RNF6: variants seen among roughly 807,000 people sequenced by gnomAD.
RNF6 encodes E3 ubiquitin-protein ligase RNF6.
RNF6 carries 21 observed loss-of-function variants against 50.1 expected under a neutral mutation model. That is an observed-to-expected ratio of 0.42 (90% CI 0.30 to 0.60). The LOEUF (loss-of-function observed/expected upper bound fraction) is 0.60, where lower values mean the gene tolerates loss of function less well. RNF6 is among the 20% of genes least tolerant of loss of function. The pLI is 0.20. For synonymous variants in RNF6, 255 were observed against 291.8 expected (o/e 0.87, Z 1.29); for missense variants, 698 against 838.2 (o/e 0.83, Z 2.07).
intron 5 of RNF6, among the ~76,000 whole-genome samples, chr13:26,193,444 G>A (rs190102662): frequency 6.6e-6 from 1 of 152,324 alleles, no homozygotes; most frequent in East Asian, 1.9e-4. Flanking sequence ...CAATTAAGAT[G>A]AGGACTGATA....
At chr13:26,189,697 T>C (rs1868382157) in intron 5 of RNF6, among the ~76,000 whole-genome samples, 1 of 150,024 alleles carries the variant, frequency 6.7e-6, no homozygotes, top group African/African-American at 2.4e-5. Context: ...ACAGGTAGCA[T>C]TCATCCACTC....
At chr13:26,172,858 CTGTATATAA>C (rs1872768460) in intron 5 of RNF6, among the ~76,000 whole-genome samples, 1 of 151,934 alleles carries the variant, frequency 6.6e-6, no homozygotes, top group Non-Finnish European at 1.5e-5. Context: ...TATATCTTTA[CTGTATATAA>C]TGTATATAAT....
intron 5 of RNF6, among the ~76,000 whole-genome samples, chr13:26,206,416 CAG>C (rs1243804633): frequency 2.0e-5 from 3 of 152,206 alleles, no homozygotes; most frequent in Admixed American, 2.0e-4. Flanking sequence ...GCAGGCTTCA[CAG>C]AGTGTCAAAC....
chr13:26,217,416 G>A (rs1870000316), intron 4 of RNF6, among the ~76,000 whole-genome samples: 1 of 152,192 alleles, frequency 6.6e-6, no homozygotes, highest in Non-Finnish European at 1.5e-5. Flanking sequence ...TTCTTCCATT[G>A]TAAAAGCATC....
At chr13:26,195,074 C>A (rs542283329) in intron 5 of RNF6, among the ~76,000 whole-genome samples, 1 of 152,176 alleles carries the variant, frequency 6.6e-6, no homozygotes, top group Non-Finnish European at 1.5e-5. Context: ...GAAGACAGAG[C>A]TGGCTTAAAC....
chr13:26,173,507 C>T lies in RNF6; in HGVS notation n.769-41056G>A, dbSNP rs114020915. On this transcript the variant is annotated intron_variant and non_coding_transcript_variant, in intron 5 of 5. Coordinates refer to the RNF6 transcript ENST00000468480. The stretch of plus-strand genomic sequence containing the variant: ...GTCATTTTTGTAAATGTTTAAAAAG[C>T]CCTACAATTTCATATTTTGCTTATG... Among the ~76,000 whole-genome samples the T allele has an allele frequency of 1.9e-3, 289 of 151,932 alleles. 2 individuals carry two copies. The highest frequency in any genetic ancestry group is 6.8e-3 in the African/African-American group (280 of 41,404).
At chr13:26,222,732 A>T (rs550770322), upstream of RNF6, 32 of 152,430 alleles carry the variant, frequency 2.1e-4, no homozygotes, top group African/African-American at 7.2e-4. Context: ...TGCAGCCTCC[A>T]GCGATCCTCC....
At chr13:26,187,025 C>T (rs1484961900) in intron 5 of RNF6, among the ~76,000 whole-genome samples, 2 of 152,304 alleles carry the variant, frequency 1.3e-5, no homozygotes, top group East Asian at 1.9e-4. Context: ...GATCCACCCA[C>T]CTCGGCCTCC....
At chr13:26,157,133 T>G (rs1319153059) in intron 5 of RNF6, among the ~76,000 whole-genome samples, 1 of 152,166 alleles carries the variant, frequency 6.6e-6, no homozygotes, top group Non-Finnish European at 1.5e-5. Flanking sequence ...AATGAAAATG[T>G]TCTAAAATTG....
At chr13:26,202,050 G>A (rs997919565) in intron 5 of RNF6, among the ~76,000 whole-genome samples, 12 of 152,276 alleles carry the variant, frequency 7.9e-5, no homozygotes, top group African/African-American at 2.4e-4. Flanking sequence ...TTCTGAGAGC[G>A]GAGCCCTATC....
chr13:26,148,008 C>G (rs9581561), intron 5 of RNF6, among the ~76,000 whole-genome samples: 26,548 of 152,098 alleles, frequency 0.17, 2,397 homozygotes, highest in Admixed American at 0.22. Context: ...CTGCCTGAGA[C>G]TGGGTAATTT....
At chr13:26,142,897 A>G (rs1278660309) in intron 5 of RNF6, among the ~76,000 whole-genome samples, 1 of 152,150 alleles carries the variant, frequency 6.6e-6, no homozygotes, top group East Asian at 1.9e-4. Context: ...CACAATCAAC[A>G]CAGCTTATGT....
chr13:26,196,042 T>C (rs1593180789), intron 5 of RNF6, among the ~76,000 whole-genome samples: 1 of 152,248 alleles, frequency 6.6e-6, no homozygotes, highest in Middle Eastern at 3.4e-3. Flanking sequence ...CACTTGAAGA[T>C]AAAATGGCCA....
At chr13:26,206,777 C>T (rs1869126726) in intron 5 of RNF6, among the ~76,000 whole-genome samples, 1 of 151,836 alleles carries the variant, frequency 6.6e-6, no homozygotes, top group Non-Finnish European at 1.5e-5. Flanking sequence ...TACTATGTAC[C>T]AGGTATCATG....
Position 26,149,893 on chromosome 13 carries a change from T to TAC in RNF6, n.769-17444_769-17443dup, listed in dbSNP as rs370753891. Reference sequence around the variant, plus strand: ...GTGTATATATATATATATATATATATACACACACACAGTGTATATATAATG... The same window carrying TAC: ...GTGTATATATATATATATATATATATACACACACACACAGTGTATATATAATG... On this transcript the variant is annotated intron_variant and non_coding_transcript_variant, in intron 5 of 5. Transcript: ENST00000468480. Among the ~76,000 whole-genome samples the TAC allele has an allele frequency of 4.1e-5, 2 of 48,686 alleles. 1 individual carries two copies. The highest frequency in any genetic ancestry group is 1.9e-4 in the African/African-American group (2 of 10,804). The allele number at this position is 48,686 out of a possible 152,430, so 31.9% of individuals were successfully genotyped here. A position where few individuals can be genotyped will look rare whatever the true frequency, so the allele number is the denominator to read the frequency against.
intron 5 of RNF6, among the ~76,000 whole-genome samples, chr13:26,141,168 G>A (rs577316448): frequency 2.6e-5 from 4 of 151,956 alleles, no homozygotes; most frequent in Admixed American, 1.3e-4. Context: ...GTGAATAGCC[G>A]AAGCAATCCT....
intron 5 of RNF6, among the ~76,000 whole-genome samples, chr13:26,133,910 T>G (rs1242171426): frequency 6.6e-6 from 1 of 152,222 alleles, no homozygotes; most frequent in Non-Finnish European, 1.5e-5. Flanking sequence ...ACGAAGATTT[T>G]CAATTGAAAC....
chr13:26,178,594 G>A (rs1873082136), intron 5 of RNF6, among the ~76,000 whole-genome samples: 2 of 51,340 alleles, frequency 3.9e-5, no homozygotes, highest in African/African-American at 2.7e-4. Flanking sequence ...CCTGGTCCGT[G>A]TGTGTGTGTG....
At chr13:26,150,409 C>T (rs1871529607) in intron 5 of RNF6, among the ~76,000 whole-genome samples, 1 of 152,042 alleles carries the variant, frequency 6.6e-6, no homozygotes, top group African/African-American at 2.4e-5. Context: ...CAAGAGTGAC[C>T]TAAGCCATAG....
Sources: gnomAD v4.1 joint callset for allele counts (sites outside exome capture counted in the v4.1 genomes callset) on GRCh38, gnomAD v4.1.1 for gene constraint, MANE v1.5 for transcripts, NCBI Gene and HGNC (gene_info 2026-07-23, HGNC 2026-07-21) for gene names.